Variants in ABCD3 observed in about 807,000 individuals in gnomAD.
ABCD3 encodes the protein ATP-binding cassette sub-family D member 3.
ABCD3 carries 41 observed loss-of-function variants against 105.5 expected under a neutral mutation model. The observed-to-expected ratio is 0.39, with a 90% confidence interval of 0.30 to 0.50. ABCD3 has a LOEUF of 0.50. Ranked by LOEUF, ABCD3 falls within the 20% of genes least tolerant of loss-of-function variation. The pLI is 0.84. For synonymous variants in ABCD3, 258 were observed against 269.0 expected (o/e 0.96, Z 0.40); for missense variants, 622 against 806.3 (o/e 0.77, Z 2.77).
At chr1:94,401,030 C>A in the ABCD3 span, among the ~76,000 whole-genome samples, 2 of 152,194 alleles carry the variant, frequency 1.3e-5, no homozygotes, top group African/African-American at 4.8e-5. Context: ...CTTGTGCTAT[C>A]TTGGGACTCT....
chr1:94,397,575 C>T, the ABCD3 span, among the ~76,000 whole-genome samples: 1 of 152,172 alleles, frequency 6.6e-6, no homozygotes, highest in East Asian at 1.9e-4. Flanking sequence ...CTCATTGCAT[C>T]ATGTCAAGGA....
chr1:94,475,529 C>A, intron 6 of ABCD3, 85 bp from the exon 7 acceptor site: 1 of 1,396,318 alleles, frequency 7.2e-7, no homozygotes, highest in Non-Finnish European at 1.0e-6. Flanking sequence ...TGTATTTGAG[C>A]TAGGTGGTGT....
At chr1:94,474,264 G>A (rs1648624220) in intron 5 of ABCD3, among the ~76,000 whole-genome samples, 1 of 145,792 alleles carries the variant, frequency 6.9e-6, no homozygotes, top group Non-Finnish European at 1.5e-5. Flanking sequence ...TTAGAGGGGG[G>A]AATGCAAATC....
chr1:94,388,851 G>A, the ABCD3 span, among the ~76,000 whole-genome samples: 6 of 152,148 alleles, frequency 3.9e-5, no homozygotes, highest in Non-Finnish European at 7.3e-5. Context: ...ACAATTTAAT[G>A]ATGCATTATT....
At chr1:94,440,273 T>C (rs1481189281) in intron 1 of ABCD3, among the ~76,000 whole-genome samples, 1 of 152,222 alleles carries the variant, frequency 6.6e-6, no homozygotes, top group African/African-American at 2.4e-5. Context: ...TAGGATAACT[T>C]TTCTAATTTA....
chr1:94,398,851 A>T, the ABCD3 span, among the ~76,000 whole-genome samples: 3 of 152,180 alleles, frequency 2.0e-5, no homozygotes, highest in Admixed American at 2.0e-4. Flanking sequence ...GAGGCAGAGG[A>T]TGCAGTGAGC....
At chr1:94,476,040 G>A (rs746319438) in intron 7 of ABCD3, among the ~76,000 whole-genome samples, 1 of 152,024 alleles carries the variant, frequency 6.6e-6, no homozygotes, top group Non-Finnish European at 1.5e-5. Context: ...GTGTGCATCC[G>A]GCCATTGTTA....
chr1:94,503,450 T>C (rs1382577352), intron 20 of ABCD3, among the ~76,000 whole-genome samples: 1 of 152,208 alleles, frequency 6.6e-6, no homozygotes, highest in Non-Finnish European at 1.5e-5. Context: ...TCTATGTTTA[T>C]GGAGCCTCTG....
At chr1:94,495,041 A>G (rs1295860952) in intron 16 of ABCD3, among the ~76,000 whole-genome samples, 1 of 152,176 alleles carries the variant, frequency 6.6e-6, no homozygotes, top group East Asian at 1.9e-4. Context: ...AGATCGCACC[A>G]CTATACTCCA....
At chr1:94,417,827 A>C (rs1401093195), upstream of ABCD3, among the ~76,000 whole-genome samples, 4 of 152,206 alleles carry the variant, frequency 2.6e-5, no homozygotes, top group Non-Finnish European at 2.9e-5. Context: ...AATGCGCTAG[A>C]GATTATAACC....
chr1:94,397,683 T>A, the ABCD3 span, among the ~76,000 whole-genome samples: 1 of 152,198 alleles, frequency 6.6e-6, no homozygotes, highest in African/African-American at 2.4e-5. Flanking sequence ...TACTATAAAA[T>A]TACTATTTTT....
At chr1:94,410,566 A>C in the ABCD3 span, among the ~76,000 whole-genome samples, 1 of 152,150 alleles carries the variant, frequency 6.6e-6, no homozygotes, top group Non-Finnish European at 1.5e-5. Context: ...GGTTCAAGGA[A>C]ACTAAAAAGA....
Position 94,452,823 on chromosome 1 carries a change from G to A in ABCD3, c.111-5784G>A, listed in dbSNP as rs192429083. 3.9e-3 allele frequency among the ~76,000 whole-genome samples: 593 copies of A among 152,006 alleles called. 2 individuals are homozygous for A. The highest frequency in any genetic ancestry group is 0.014 in the African/African-American group (565 of 41,444). ...ACAATCTCAGCTCACCGCAACTTCC[G>A]CCTCCCAGGTTCAAGTGATTCTCAT... On this transcript the variant is annotated intron_variant, in intron 1 of 22. Coordinates refer to ENST00000370214, the MANE Select transcript of ABCD3 (RefSeq NM_002858.4).
the ABCD3 span, among the ~76,000 whole-genome samples, chr1:94,400,079 G>A: frequency 6.6e-6 from 1 of 152,060 alleles, no homozygotes; most frequent in Non-Finnish European, 1.5e-5. Context: ...GCAAAGATTT[G>A]ATCAGTTGTA....
intron 1 of ABCD3, among the ~76,000 whole-genome samples, chr1:94,441,328 T>C (rs1034448180): frequency 2.6e-5 from 4 of 152,220 alleles, no homozygotes; most frequent in African/African-American, 9.6e-5. Context: ...CATACTACTT[T>C]GGCAAAAACT....
chr1:94,463,643 C>A (rs116279624), intron 2 of ABCD3, among the ~76,000 whole-genome samples: 1 of 152,086 alleles, frequency 6.6e-6, no homozygotes, highest in Non-Finnish European at 1.5e-5. Flanking sequence ...AGAAGTTTCC[C>A]CTGTCCTTCC....
Position 94,499,058 on chromosome 1 carries a change from A to G in ABCD3, c.1620+24A>G, listed in dbSNP as rs1018170022. The G allele has an allele frequency of 9.0e-6, 14 of 1,561,786 alleles. No homozygotes were observed. The Admixed American group carries it at 1.2e-4, about 13-fold the overall frequency. ...TAGTAAGGGAATGTTTATATCCTAG[A>G]TCCACTGAAAATACTCCAGATTATT... On this transcript the variant is annotated intron_variant, in intron 19 of 22. Coordinates refer to ENST00000370214, the MANE Select transcript of ABCD3 (RefSeq NM_002858.4).
chr1:94,434,120 T>C (rs1429063820), intron 1 of ABCD3, among the ~76,000 whole-genome samples: 1 of 152,154 alleles, frequency 6.6e-6, no homozygotes, highest in African/African-American at 2.4e-5. Context: ...AGCATATTAT[T>C]GCACATGACT....
chr1:94,434,582 C>T (rs777590924), intron 1 of ABCD3, among the ~76,000 whole-genome samples: 9 of 152,106 alleles, frequency 5.9e-5, no homozygotes, highest in Non-Finnish European at 1.3e-4. Flanking sequence ...TTTTCAGCTC[C>T]ATTATAATCT....
Sources: gnomAD v4.1 joint callset for allele counts (sites outside exome capture counted in the v4.1 genomes callset) on GRCh38, gnomAD v4.1.1 for gene constraint, MANE v1.5 for transcripts, NCBI Gene and HGNC (gene_info 2026-07-23, HGNC 2026-07-21) for gene names.